Variants in EYS observed in about 807,000 individuals in gnomAD.
EYS encodes the protein protein eyes shut homolog.
A neutral mutation model predicts 282.1 loss-of-function variants in EYS; 250 were observed. The ratio of observed to expected loss-of-function variants is 0.89; its 90% CI spans 0.80 to 0.98. The LOEUF (loss-of-function observed/expected upper bound fraction) is 0.98, where lower values mean the gene tolerates loss of function less well. Ranked by LOEUF, EYS falls within the 50% of genes least tolerant of loss-of-function variation. The pLI is 0.00. For missense variants in EYS, 4,016 were observed against 3,709.0 expected, an observed-to-expected ratio of 1.08 and a Z score of -2.15; for synonymous variants, 1,355 against 1,282.9, an observed-to-expected ratio of 1.06 and a Z score of -1.20.
chr6:64,697,774 T>C (rs1414877332), intron 22 of EYS, among the ~76,000 whole-genome samples: 5 of 151,926 alleles, frequency 3.3e-5, no homozygotes, highest in Admixed American at 3.3e-4. Context: ...AAACCCCATC[T>C]CTACTAAAAA....
chr6:65,278,452 C>T (rs373729630), intron 12 of EYS, among the ~76,000 whole-genome samples: 10 of 117,742 alleles, frequency 8.5e-5, no homozygotes, highest in African/African-American at 2.8e-4. Context: ...TACAGCAGCT[C>T]ATATCTATAT....
At chr6:65,339,543 A>G (rs2150316717) in intron 10 of EYS, among the ~76,000 whole-genome samples, 1 of 148,336 alleles carries the variant, frequency 6.7e-6, no homozygotes, top group Non-Finnish European at 1.5e-5. Flanking sequence ...CATCATAGGT[A>G]TGTATGTATA....
chr6:65,191,022 T>A (rs1765630147), intron 12 of EYS, among the ~76,000 whole-genome samples: 1 of 151,842 alleles, frequency 6.6e-6, no homozygotes, highest in Non-Finnish European at 1.5e-5. Flanking sequence ...TTGAGCTAAA[T>A]CTATTCCCGC....
At chr6:63,964,026 G>A (rs923757379) in intron 35 of EYS, among the ~76,000 whole-genome samples, 3 of 152,108 alleles carry the variant, frequency 2.0e-5, no homozygotes, top group Non-Finnish European at 1.5e-5. Context: ...TGGTTTAAGA[G>A]AAACAAAATA....
chr6:63,994,735 G>C (rs1767758016), intron 34 of EYS, among the ~76,000 whole-genome samples: 2 of 151,946 alleles, frequency 1.3e-5, no homozygotes, highest in South Asian at 2.1e-4. Flanking sequence ...GAATCAGTAA[G>C]ACAATCAATA....
rs1046538948 is a variant in EYS at position 64,409,829 on chromosome 6, C to T, written c.5928-20989G>A. On this transcript the variant is annotated intron_variant, in intron 28 of 42. Transcript: ENST00000503581. ...ATAGGGTCTCAAGTACATTTATGCACATTTTGATAAATCTAAATTTTTTTA... is the reference window on the plus strand; with the variant it reads ...ATAGGGTCTCAAGTACATTTATGCATATTTTGATAAATCTAAATTTTTTTA... Among the ~76,000 whole-genome samples the T allele has an allele frequency of 5.3e-5, 8 of 152,006 alleles. 1 individual carries two copies. Among genetic ancestry groups the T allele is most frequent in the Non-Finnish European group, 7.4e-5 (5 of 67,986 alleles).
intron 7 of EYS, among the ~76,000 whole-genome samples, chr6:65,401,496 A>G (rs1483180889): frequency 1.3e-5 from 2 of 151,792 alleles, no homozygotes; most frequent in Non-Finnish European, 1.5e-5. Context: ...AAATATTTTT[A>G]AAGGGATAGT....
chr6:64,708,724 C>G (rs963789916), intron 22 of EYS, among the ~76,000 whole-genome samples: 1 of 152,168 alleles, frequency 6.6e-6, no homozygotes, highest in Non-Finnish European at 1.5e-5. Flanking sequence ...AGCTGTGATG[C>G]AAACTCACTA....
At chr6:65,123,750 C>CACACA (rs1561978164) in intron 12 of EYS, among the ~76,000 whole-genome samples, 1 of 140,776 alleles carries the variant, frequency 7.1e-6, no homozygotes, top group African/African-American at 2.9e-5. Context: ...CTTATAACAC[C>CACACA]CACCCACCCA....
chr6:64,057,866 C>CT, intron 33 of EYS, among the ~76,000 whole-genome samples: 1 of 152,258 alleles, frequency 6.6e-6, no homozygotes, highest in South Asian at 2.1e-4. Context: ...GAGTCTCACT[C>CT]TGTCACCCAG....
intron 29 of EYS, among the ~76,000 whole-genome samples, chr6:64,380,040 T>C (rs1324514859): frequency 6.6e-6 from 1 of 152,118 alleles, no homozygotes; most frequent in African/African-American, 2.4e-5. Flanking sequence ...AAATTGTGTC[T>C]GGGAAAAGAA....
chr6:64,096,604 G>T (rs183029129), intron 31 of EYS, among the ~76,000 whole-genome samples: 1 of 152,248 alleles, frequency 6.6e-6, no homozygotes, highest in Admixed American at 6.5e-5. Context: ...AGCTCCATCA[G>T]GTCCTTTAAG....
intron 2 of EYS, among the ~76,000 whole-genome samples, chr6:65,599,167 A>AT (rs1765524331): frequency 6.6e-6 from 1 of 151,976 alleles, no homozygotes; most frequent in African/African-American, 2.4e-5. Context: ...TTTCTATCTG[A>AT]TTTTGGCAGA....
chr6:64,014,326 G>C (rs1768785392), intron 33 of EYS, among the ~76,000 whole-genome samples: 1 of 151,990 alleles, frequency 6.6e-6, no homozygotes, highest in African/African-American at 2.4e-5. Flanking sequence ...ATGTTACAGT[G>C]AGGGATTCTT....
At chr6:65,331,743 G>T in intron 11 of EYS, 1 of 980,380 alleles carries the variant, frequency 1.0e-6, no homozygotes. Context: ...AGTATTTGTT[G>T]AGCACTATTC....
At chr6:64,430,461 AATAGCGT>A (rs1200106797) in intron 28 of EYS, among the ~76,000 whole-genome samples, 2 of 152,200 alleles carry the variant, frequency 1.3e-5, no homozygotes, top group Non-Finnish European at 2.9e-5. Context: ...TTAACAGATA[AATAGCGT>A]ATATATCAGT....
At chr6:65,323,710 C>T (rs375459478) in intron 11 of EYS, among the ~76,000 whole-genome samples, 1 of 126,846 alleles carries the variant, frequency 7.9e-6, no homozygotes. Flanking sequence ...CCTTTGTCAC[C>T]GTCACCTCCA....
At chr6:64,722,011 A>G (rs1158049814) in intron 22 of EYS, among the ~76,000 whole-genome samples, 3 of 152,172 alleles carry the variant, frequency 2.0e-5, no homozygotes, top group Non-Finnish European at 4.4e-5. Flanking sequence ...AAAATAAATC[A>G]TGGATTTAGA....
chr6:65,141,505 A>C (rs541701760), intron 12 of EYS, among the ~76,000 whole-genome samples: 426 of 151,104 alleles, frequency 2.8e-3, no homozygotes, highest in African/African-American at 9.7e-3. Flanking sequence ...TAAAAAAAAA[A>C]CAAAATTTCT....
Sources: gnomAD v4.1 joint callset for allele counts (sites outside exome capture counted in the v4.1 genomes callset) on GRCh38, gnomAD v4.1.1 for gene constraint, MANE v1.5 for transcripts, NCBI Gene and HGNC (gene_info 2026-07-23, HGNC 2026-07-21) for gene names.